PCCB: variants seen among roughly 807,000 people sequenced by gnomAD.
PCCB encodes propionyl-CoA carboxylase subunit beta.
Under a neutral mutation model 60.7 loss-of-function variants are expected in PCCB, and 43 were observed. The ratio of observed to expected loss-of-function variants is 0.71; its 90% CI spans 0.55 to 0.91. The LOEUF (loss-of-function observed/expected upper bound fraction) is 0.91, where lower values mean the gene tolerates loss of function less well. Ranked by LOEUF, PCCB falls within the 40% of genes least tolerant of loss-of-function variation. The pLI is 0.00. For missense variants in PCCB, 766 were observed against 702.8 expected (o/e 1.09, Z -1.02); for synonymous variants, 276 against 255.9 (o/e 1.08, Z -0.75).
chr3:136,327,793 C>G, intron 13 of PCCB, 61 bp downstream of exon 13: 1 of 1,307,852 alleles, frequency 7.6e-7, no homozygotes, highest in Non-Finnish European at 1.1e-6. Context: ...AGCGAGAGCT[C>G]AAGGCATAGC....
chr3:136,263,244 C>T (rs543434023), intron 5 of PCCB, among the ~76,000 whole-genome samples: 164 of 142,454 alleles, frequency 1.2e-3, no homozygotes, highest in Middle Eastern at 7.1e-3. Flanking sequence ...TGAGCCACCG[C>T]GCCCAGCTGG....
In PCCB at chr3:136,298,065, G is replaced by T; in HGVS notation, c.877G>T (p.Asp293Tyr). 1 of 1,614,094 alleles carries T rather than the reference G, an allele frequency of 6.2e-7. No homozygotes were observed. The highest frequency in any genetic ancestry group is 1.1e-5 in the South Asian group (1 of 91,076). The change falls in exon 8 of 15, where the codon GAT becomes TAT. Residue 293 changes from aspartate to tyrosine, a missense_variant. Coordinates refer to ENST00000251654, the MANE Select transcript of PCCB (RefSeq NM_000532.5). The part of the protein sequence containing the change: ...QDPAPVRECH[D>Y]PSDRLVPELD... The stretch of plus-strand genomic sequence containing the variant: ...CCCGGCTCCCGTCCGTGAGTGCCAC[G>T]ATCCCAGGTGGGTTGTAGGCCGGTG...
At chr3:136,262,664 G>C (rs1263247784) in intron 5 of PCCB, among the ~76,000 whole-genome samples, 8 of 152,214 alleles carry the variant, frequency 5.3e-5, no homozygotes, top group African/African-American at 1.7e-4. Flanking sequence ...TAAGAGGCTG[G>C]GATGAGGGAG....
intron 10 of PCCB, among the ~76,000 whole-genome samples, chr3:136,319,001 A>G (rs550821538): frequency 2.8e-4 from 42 of 152,346 alleles, no homozygotes; most frequent in African/African-American, 9.9e-4. Flanking sequence ...ACTGTTTTCT[A>G]CAGTGTCTGC....
rs1941676220 is a variant in PCCB at position 136,256,585 on chromosome 3, G to C, written c.334G>C (p.Gly112Arg). The part of the protein sequence containing the change: ...FPGDSVVTGR[G>R]RINGRLVYVF... ...TGGAGACAGCGTGGTCACTGGACGA[G>C]GCCGAATCAATGGAAGATTGGTTTA... Residue 112 changes from glycine (G) to arginine (R), a missense_variant, in exon 3 of 15, where the codon GGC (glycine) becomes CGC (arginine). By Grantham distance (125) the Gly-to-Arg change is moderately radical. Coordinates refer to ENST00000251654, the MANE Select transcript of PCCB (RefSeq NM_000532.5). 3.1e-6 allele frequency: 5 copies of C among 1,613,426 alleles called. No individual in the cohort carries two copies. Among genetic ancestry groups the C allele is most frequent in the Non-Finnish European group, 4.2e-6 (5 of 1,179,372 alleles).
intron 9 of PCCB, among the ~76,000 whole-genome samples, chr3:136,309,091 C>T (rs541191703): frequency 2.6e-5 from 4 of 151,376 alleles, no homozygotes; most frequent in African/African-American, 7.3e-5. Flanking sequence ...GGTGAAACCC[C>T]GTCTCTACTA....
chr3:136,321,158 T>C (rs572514402), intron 10 of PCCB, among the ~76,000 whole-genome samples: 2 of 152,320 alleles, frequency 1.3e-5, no homozygotes, highest in Non-Finnish European at 2.9e-5. Context: ...ATTCCTGGAA[T>C]AAATCCCACT....
chr3:136,275,497 G>GA (rs1365574584), intron 5 of PCCB, among the ~76,000 whole-genome samples: 1 of 152,012 alleles, frequency 6.6e-6, no homozygotes, highest in Non-Finnish European at 1.5e-5. Context: ...GGGTATGATA[G>GA]AACCCTGTTT....
intron 7 of PCCB, among the ~76,000 whole-genome samples, chr3:136,295,580 T>C (rs1489341624): frequency 6.6e-6 from 1 of 152,254 alleles, no homozygotes; most frequent in African/African-American, 2.4e-5. Flanking sequence ...GTATATAATA[T>C]AAAGCTGGGT....
chr3:136,314,472 C>T (rs565151413), intron 9 of PCCB, among the ~76,000 whole-genome samples: 13 of 152,032 alleles, frequency 8.6e-5, no homozygotes, highest in South Asian at 2.1e-4. Context: ...CCGGCCAATA[C>T]GGTGAAACCC....
intron 10 of PCCB, among the ~76,000 whole-genome samples, chr3:136,318,224 A>G (rs2108228174): frequency 6.6e-6 from 1 of 152,064 alleles, no homozygotes; most frequent in Non-Finnish European, 1.5e-5. Flanking sequence ...ACGTGCCTGT[A>G]GTCCAGCTAC....
chr3:136,299,858 A>G (rs1316208), intron 8 of PCCB, among the ~76,000 whole-genome samples: 96 of 148,430 alleles, frequency 6.5e-4, no homozygotes, highest in East Asian at 2.0e-3. Flanking sequence ...ATGCATGCAT[A>G]TGTATGTATA....
chr3:136,289,128 G>A (rs1330958204), intron 6 of PCCB, among the ~76,000 whole-genome samples: 3 of 152,190 alleles, frequency 2.0e-5, no homozygotes, highest in Non-Finnish European at 2.9e-5. Flanking sequence ...GAGTTGCTGG[G>A]ATTATAGGCA....
chr3:136,328,649 G>A (rs1576361677), intron 13 of PCCB, 109 bp from the exon 14 acceptor site: 2 of 843,758 alleles, frequency 2.4e-6, no homozygotes, highest in East Asian at 2.5e-5. Flanking sequence ...CTTCCCCTCA[G>A]TACACTGATT....
At chr3:136,256,827 A>C (rs1003092812) in intron 3 of PCCB, among the ~76,000 whole-genome samples, 1 of 152,182 alleles carries the variant, frequency 6.6e-6, no homozygotes, top group African/African-American at 2.4e-5. Context: ...GGGGGGGATC[A>C]CAGGGCACTA....
At chr3:136,323,248 G>A (rs1935172791) in intron 10 of PCCB, among the ~76,000 whole-genome samples, 1 of 152,056 alleles carries the variant, frequency 6.6e-6, no homozygotes, top group Non-Finnish European at 1.5e-5. Flanking sequence ...TCACATGTGG[G>A]TGTCCCACAG....
chr3:136,329,553 T>C (rs1035829560), intron 14 of PCCB, among the ~76,000 whole-genome samples: 1 of 152,212 alleles, frequency 6.6e-6, no homozygotes, highest in Non-Finnish European at 1.5e-5. Flanking sequence ...ATTGCAGGAC[T>C]TGTGTACAAG....
At chr3:136,329,395 G>C (rs1935455940) in intron 14 of PCCB, among the ~76,000 whole-genome samples, 1 of 152,204 alleles carries the variant, frequency 6.6e-6, no homozygotes, top group African/African-American at 2.4e-5. Context: ...GGTGTCCCGA[G>C]AGTAGCAAGG....
chr3:136,261,073 C>G (rs529352460), intron 4 of PCCB, among the ~76,000 whole-genome samples: 29 of 152,058 alleles, frequency 1.9e-4, no homozygotes, highest in Non-Finnish European at 2.8e-4. Context: ...TTTTCCTGTT[C>G]AAGTTCATGG....
Sources: allele counts gnomAD v4.1 joint callset (sites outside exome capture counted in the v4.1 genomes callset), GRCh38; gene constraint gnomAD v4.1.1; transcripts MANE v1.5; gene names NCBI Gene and HGNC (gene_info 2026-07-23, HGNC 2026-07-21).